Variants in SIN3A observed in about 807,000 individuals in gnomAD.
The protein encoded by SIN3A is paired amphipathic helix protein Sin3a.
SIN3A carries 14 observed loss-of-function variants against 146.1 expected under a neutral mutation model. That is an observed-to-expected ratio of 0.10 (90% CI 0.06 to 0.15). SIN3A has a LOEUF of 0.15. Ranked by LOEUF, SIN3A falls within the 10% of genes least tolerant of loss-of-function variation. The pLI, the probability that SIN3A is intolerant of heterozygous loss-of-function variation, is 1.00. For missense variants in SIN3A, 1,028 were observed against 1,576.0 expected, an observed-to-expected ratio of 0.65 and a Z score of 5.89; for synonymous variants, 572 against 572.0, an observed-to-expected ratio of 1.00 and a Z score of 0.00.
intron 14 of SIN3A, among the ~76,000 whole-genome samples, chr15:75,394,331 T>C (rs1280085383): frequency 6.6e-6 from 1 of 152,162 alleles, no homozygotes; most frequent in Non-Finnish European, 1.5e-5. Context: ...AGTTTGGTGG[T>C]CAATGACAAA....
intron 1 of SIN3A, among the ~76,000 whole-genome samples, chr15:75,442,741 C>T (rs1360131717): frequency 6.6e-6 from 1 of 151,434 alleles, no homozygotes; most frequent in Non-Finnish European, 1.5e-5. Flanking sequence ...ACCAGCCTGA[C>T]CAACATGGAG....
intron 9 of SIN3A, among the ~76,000 whole-genome samples, chr15:75,405,980 TCTTGCAGGA>T (rs1210037051): frequency 6.6e-6 from 1 of 152,016 alleles, no homozygotes; most frequent in Non-Finnish European, 1.5e-5. Context: ...GACTCAACAC[TCTTGCAGGA>T]CTCTCCTGCA....
chr15:75,422,381 T>C, intron 3 of SIN3A: 2 of 603,148 alleles, frequency 3.3e-6, no homozygotes, highest in Non-Finnish European at 5.9e-6. Flanking sequence ...GTTTATTTTG[T>C]ATTAAAATGG....
At chr15:75,375,895 G>A in intron 19 of SIN3A, 23 bp from the exon 20 acceptor site, 1 of 1,612,094 alleles carries the variant, frequency 6.2e-7, no homozygotes, top group Non-Finnish European at 8.5e-7. Context: ...AGCCCCGGAG[G>A]ATGAGAGCTC....
intron 19 of SIN3A, among the ~76,000 whole-genome samples, chr15:75,378,906 A>G (rs2072914390): frequency 6.7e-6 from 1 of 149,694 alleles, no homozygotes; most frequent in African/African-American, 2.4e-5. Flanking sequence ...ATATATATAT[A>G]TATTTTATTT....
chr15:75,380,559 A>G, intron 19 of SIN3A, 70 bp downstream of exon 19: 1 of 1,157,262 alleles, frequency 8.6e-7, no homozygotes. Flanking sequence ...AAGAACGTGA[A>G]AGTCATTTAA....
At chr15:75,417,673 C>G (rs2073765890) in intron 3 of SIN3A, among the ~76,000 whole-genome samples, 1 of 152,170 alleles carries the variant, frequency 6.6e-6, no homozygotes, top group Non-Finnish European at 1.5e-5. Context: ...GCCACCACAC[C>G]TGGCCAGGCA....
intron 19 of SIN3A, 80 bp downstream of exon 19, chr15:75,380,548 CA>C: frequency 9.3e-7 from 1 of 1,069,686 alleles, no homozygotes; most frequent in Non-Finnish European, 1.4e-6. Flanking sequence ...ATGTGAAGGC[CA>C]AGAACGTGAA....
chr15:75,377,367 G>A (rs544995926), intron 19 of SIN3A, among the ~76,000 whole-genome samples: 2 of 152,270 alleles, frequency 1.3e-5, no homozygotes, highest in Admixed American at 6.5e-5. Context: ...GCTCATGCTT[G>A]TAATCCCAGC....
At chr15:75,403,473 G>A (rs1053490304) in intron 9 of SIN3A, among the ~76,000 whole-genome samples, 7 of 151,268 alleles carry the variant, frequency 4.6e-5, no homozygotes, top group African/African-American at 9.7e-5. Flanking sequence ...CTGAGATCTC[G>A]GAGTATACCT....
chr15:75,412,475 A>G (rs1482058141), intron 5 of SIN3A, among the ~76,000 whole-genome samples: 4 of 152,222 alleles, frequency 2.6e-5, no homozygotes, highest in African/African-American at 9.6e-5. Context: ...GCTGTCAACT[A>G]CTACTACACA....
intron 1 of SIN3A, among the ~76,000 whole-genome samples, chr15:75,450,365 T>C (rs893278496): frequency 2.0e-5 from 3 of 152,092 alleles, no homozygotes; most frequent in Non-Finnish European, 4.4e-5. Context: ...CCACCACCCA[T>C]TGGCTCAAAG....
intron 6 of SIN3A, among the ~76,000 whole-genome samples, chr15:75,410,861 C>A (rs2073623989): frequency 6.9e-6 from 1 of 144,240 alleles, no homozygotes; most frequent in Non-Finnish European, 1.5e-5. Context: ...CATGTTGAAA[C>A]CCCGTCTCTA....
chr15:75,381,329 T>C (rs1267158836), intron 18 of SIN3A, among the ~76,000 whole-genome samples: 2 of 152,246 alleles, frequency 1.3e-5, no homozygotes, highest in South Asian at 2.1e-4. Context: ...ACCTCATTTG[T>C]TGTTTTTTAT....
intron 3 of SIN3A, among the ~76,000 whole-genome samples, chr15:75,417,140 G>A (rs1775978257): frequency 6.6e-6 from 1 of 151,304 alleles, no homozygotes; most frequent in African/African-American, 2.4e-5. Context: ...TTTGGCTGGG[G>A]GAGAAAAAAA....
At chr15:75,411,401 A>C in intron 6 of SIN3A, 91 bp downstream of exon 6, 1 of 1,283,444 alleles carries the variant, frequency 7.8e-7, no homozygotes. Context: ...TTCCAGTATG[A>C]ATTAATGGAC....
chr15:75,454,123 C>A (rs1279839866), upstream of SIN3A, among the ~76,000 whole-genome samples: 1 of 152,096 alleles, frequency 6.6e-6, no homozygotes, highest in Non-Finnish European at 1.5e-5. Context: ...GGACCTTGCG[C>A]CTCACGTCAT....
chr15:75,429,741 T>C (rs2073983376), intron 2 of SIN3A, among the ~76,000 whole-genome samples: 1 of 152,126 alleles, frequency 6.6e-6, no homozygotes, highest in Non-Finnish European at 1.5e-5. Flanking sequence ...ACAAATAAAT[T>C]GAGTATATGC....
intron 3 of SIN3A, 85 bp from the exon 4 acceptor site, chr15:75,414,396 T>C (rs1054614795): frequency 3.5e-6 from 2 of 573,384 alleles, no homozygotes; most frequent in Non-Finnish European, 5.7e-6. Flanking sequence ...TATTTATGCC[T>C]AAGTATGCTT....
Sources: allele counts gnomAD v4.1 joint callset (sites outside exome capture counted in the v4.1 genomes callset), GRCh38; gene constraint gnomAD v4.1.1; transcripts MANE v1.5; gene names NCBI Gene and HGNC (gene_info 2026-07-23, HGNC 2026-07-21).